TPD52L1: variants seen among roughly 807,000 people sequenced by gnomAD.
TPD52L1 encodes the protein TPD52 like 1, also known as tumor protein D53.
A neutral mutation model predicts 28.7 loss-of-function variants in TPD52L1; 18 were observed. That is an observed-to-expected ratio of 0.63 (90% CI 0.43 to 0.93). TPD52L1 has a LOEUF of 0.93. TPD52L1 is among the 40% of genes least tolerant of loss of function. The probability of loss-of-function intolerance (pLI) is 0.00; values close to 1 mark genes in which losing one functional copy is unlikely to be tolerated. For synonymous variants in TPD52L1, 75 were observed against 88.8 expected (o/e 0.84, Z 0.88); for missense variants, 203 against 254.8 (o/e 0.80, Z 1.39).
At chr6:125,163,559 G>T (rs923082807) in intron 1 of TPD52L1, among the ~76,000 whole-genome samples, 10 of 150,794 alleles carry the variant, frequency 6.6e-5, no homozygotes, top group Admixed American at 2.0e-4. Flanking sequence ...TCTAGCCTGG[G>T]CTGGACAAAG....
rs1369615157 is a variant in TPD52L1 at position 125,220,151 on chromosome 6, C to G, written c.93C>G (p.Leu31=). ...CCAGTGCTGACTTCTCTAGCATGCT[C>G]TCTGAGGAGGAAAAGGAAGAGTTAA... is the stretch of plus-strand genomic sequence containing the variant. ...AVASADFSSM[L]SEEEKEELKA... is the part of the protein sequence containing the mutation. Residue 31 remains leucine, a synonymous_variant, in exon 2 of 7, where the codon CTC becomes CTG. Transcript: ENST00000534000. The G allele has an allele frequency of 1.9e-6, 3 of 1,613,764 alleles. No individual in the cohort carries two copies. Among genetic ancestry groups the G allele is most frequent in the Non-Finnish European group, 2.5e-6 (3 of 1,179,764 alleles).
In TPD52L1 at chr6:125,248,372, C is replaced by T. The variant is rs756657190; in HGVS notation, c.375C>T (p.Phe125=). ...SNVGTAISKK[F]GDMSYSIRHS... ...TTGGAACGGCCATCAGCAAGAAGTT[C>T]GGAGACATGAGGTACTGTGGGAAAA... The change falls in exon 4 of 7, where the codon TTC becomes TTT. Residue 125 remains phenylalanine (F), a synonymous_variant. Coordinates refer to ENST00000534000, the MANE Select transcript of TPD52L1 (RefSeq NM_003287.4). 29 of 1,613,864 alleles carry T rather than the reference C, an allele frequency of 1.8e-5. No individual in the cohort carries two copies. The highest frequency in any genetic ancestry group is 3.3e-5 in the South Asian group (3 of 91,052).
At position 125,190,801 on chromosome 6, in the gene TPD52L1, G is replaced by A. The variant is rs116113709; in HGVS notation, c.20-29277G>A. On this transcript the variant is annotated intron_variant, in intron 1 of 6. Coordinates refer to ENST00000534000, the MANE Select transcript of TPD52L1 (RefSeq NM_003287.4). The stretch of plus-strand genomic sequence containing the variant: ...TCAAATGCTGCCACTGATCCCACAG[G>A]TGGCAGAGCTCAGGCTGTAATGCAA... 7.1e-3 allele frequency among the ~76,000 whole-genome samples: 1,078 copies of A among 152,266 alleles called. 14 individuals are homozygous for A. The highest frequency in any genetic ancestry group is 0.025 in the African/African-American group (1,040 of 41,542).
chr6:125,184,963 G>T (rs887444303), intron 1 of TPD52L1, among the ~76,000 whole-genome samples: 2 of 28,786 alleles, frequency 6.9e-5, no homozygotes, highest in African/African-American at 2.9e-4. Flanking sequence ...CACATGAGTT[G>T]CTTACAAAAA....
intron 2 of TPD52L1, among the ~76,000 whole-genome samples, chr6:125,227,658 C>T (rs1795697236): frequency 6.6e-6 from 1 of 152,136 alleles, no homozygotes; most frequent in South Asian, 2.1e-4. Context: ...ATTTGTTTTC[C>T]ATATTTCAGA....
intron 1 of TPD52L1, among the ~76,000 whole-genome samples, chr6:125,172,387 A>G (rs1182927751): frequency 7.1e-6 from 1 of 140,332 alleles, no homozygotes; most frequent in Non-Finnish European, 1.5e-5. Flanking sequence ...TTCTGGCCTC[A>G]TATGATCCTC....
chr6:125,197,714 G>T (rs1275241921), intron 1 of TPD52L1, among the ~76,000 whole-genome samples: 1 of 152,122 alleles, frequency 6.6e-6, no homozygotes, highest in African/African-American at 2.4e-5. Context: ...AGCCCACTAA[G>T]CGTCAGAGGT....
intron 1 of TPD52L1, among the ~76,000 whole-genome samples, chr6:125,187,840 G>T (rs780624321): frequency 6.6e-5 from 10 of 152,028 alleles, no homozygotes; most frequent in Non-Finnish European, 1.3e-4. Flanking sequence ...AATCCAGAAA[G>T]TGTCAGATGC....
At chr6:125,173,780 T>C (rs1239309988) in intron 1 of TPD52L1, among the ~76,000 whole-genome samples, 2 of 152,156 alleles carry the variant, frequency 1.3e-5, no homozygotes, top group African/African-American at 4.8e-5. Flanking sequence ...TTTAAGTAAG[T>C]CCTAAAATGC....
intron 3 of TPD52L1, among the ~76,000 whole-genome samples, chr6:125,233,154 TA>T (rs1402211082): frequency 2.0e-5 from 3 of 152,200 alleles, no homozygotes; most frequent in African/African-American, 7.2e-5. Context: ...TGCCACAATC[TA>T]AATGGTAAGT....
chr6:125,229,736 G>A (rs1044727427), intron 3 of TPD52L1, among the ~76,000 whole-genome samples: 5 of 152,130 alleles, frequency 3.3e-5, no homozygotes, highest in African/African-American at 1.2e-4. Flanking sequence ...TTCATCTTTT[G>A]TTTTGCACTT....
At chr6:125,256,502 G>A (rs375911289) in intron 5 of TPD52L1, among the ~76,000 whole-genome samples, 17 of 152,296 alleles carry the variant, frequency 1.1e-4, no homozygotes, top group African/African-American at 3.6e-4. Flanking sequence ...TTAAAATAAT[G>A]AAAGCATTAA....
At chr6:125,233,411 A>C (rs1796069914) in intron 3 of TPD52L1, among the ~76,000 whole-genome samples, 1 of 152,158 alleles carries the variant, frequency 6.6e-6, no homozygotes, top group East Asian at 1.9e-4. Context: ...TGGTTGTAGC[A>C]CTATTGAGTT....
chr6:125,155,225 C>T (rs566460571), intron 1 of TPD52L1, among the ~76,000 whole-genome samples: 1 of 152,352 alleles, frequency 6.6e-6, no homozygotes, highest in Non-Finnish European at 1.5e-5. Flanking sequence ...AGGTTGGAGG[C>T]CTTCACGCCA....
chr6:125,164,192 T>C (rs1790727893), intron 1 of TPD52L1, among the ~76,000 whole-genome samples: 1 of 152,240 alleles, frequency 6.6e-6, no homozygotes, highest in Admixed American at 6.5e-5. Flanking sequence ...TTATTTTCTA[T>C]ATGATCAAAG....
At chr6:125,213,375 C>T (rs981808837) in intron 1 of TPD52L1, among the ~76,000 whole-genome samples, 8 of 152,028 alleles carry the variant, frequency 5.3e-5, no homozygotes, top group South Asian at 2.1e-4. Context: ...TTGTGTTCTG[C>T]TTGTATGGCT....
intron 3 of TPD52L1, among the ~76,000 whole-genome samples, chr6:125,230,753 T>C (rs192670102): frequency 6.6e-6 from 1 of 152,284 alleles, no homozygotes; most frequent in East Asian, 1.9e-4. Context: ...GGCCTAGCAG[T>C]CCTATTGGGC....
intron 6 of TPD52L1, chr6:125,261,007 A>T (rs1464123311): frequency 2.8e-4 from 13 of 46,710 alleles, no homozygotes; most frequent in African/African-American, 2.5e-3. Context: ...AGAAAGAAAG[A>T]AAGAAAGAAA....
chr6:125,172,533 T>TATATATATATATATATAATATATATA lies in TPD52L1; in HGVS notation c.19+18580_19+18581insATATATATAATATATATATATATATA, dbSNP rs1562214324. On this transcript the variant is annotated intron_variant, in intron 1 of 6. Coordinates refer to ENST00000534000, the MANE Select transcript of TPD52L1 (RefSeq NM_003287.4). ...CATGCTATATATATATATATATATA[T>TATATATATATATATATAATATATATA]ATATATATATATATATATAATATAT... is the stretch of plus-strand genomic sequence containing the variant. Among the ~76,000 whole-genome samples, 5 of 90,928 alleles carry TATATATATATATATATAATATATATA rather than the reference T, an allele frequency of 5.5e-5. No individual in the cohort carries two copies. The Admixed American group carries it at 6.3e-4, about 11-fold the overall frequency. 59.7% of individuals were successfully genotyped at this position (90,928 alleles called of 152,430 possible). A position where few individuals can be genotyped will look rare whatever the true frequency, so the allele number is the denominator to read the frequency against.
Sources: gnomAD v4.1 joint callset for allele counts (sites outside exome capture counted in the v4.1 genomes callset) on GRCh38, gnomAD v4.1.1 for gene constraint, MANE v1.5 for transcripts, NCBI Gene and HGNC (gene_info 2026-07-23, HGNC 2026-07-21) for gene names.